Variants in EIF4G3 observed in about 807,000 individuals in gnomAD.
EIF4G3 encodes the protein eukaryotic translation initiation factor 4 gamma 3.
In EIF4G3, 34 loss-of-function variants were observed where a neutral mutation model predicts 186.4. That is an observed-to-expected ratio of 0.18 (90% CI 0.14 to 0.24). The LOEUF is 0.24. Among genes scored for constraint, EIF4G3 ranks in the 10% least tolerant of loss-of-function variants. The probability of loss-of-function intolerance (pLI) is 1.00; values close to 1 mark genes in which losing one functional copy is unlikely to be tolerated. For synonymous variants in EIF4G3, 673 were observed against 679.5 expected (o/e 0.99, Z 0.15); for missense variants, 1,536 against 1,948.5 (o/e 0.79, Z 3.99).
chr1:20,962,596 TACTGCCAGCATC>T (rs1395486598), intron 12 of EIF4G3, among the ~76,000 whole-genome samples: 3 of 152,246 alleles, frequency 2.0e-5, no homozygotes, highest in Admixed American at 1.3e-4. Context: ...CTCTTGGAAG[TACTGCCAGCATC>T]ACTGGTGGCA....
In EIF4G3 at chr1:21,048,454, CCCTGGTT is replaced by C. The variant is rs535129239; in HGVS notation, c.-67+2405_-67+2411del. ...ATATGTAGAAGGAAAGGGTTTTGCT[CCCTGGTT>C]CCTGGTTCCTGGTTCCTGGTTGCTC... On this transcript the variant is annotated intron_variant, in intron 4 of 36. Coordinates refer to ENST00000602326, the MANE Select transcript of EIF4G3 (RefSeq NM_001391906.1). Among the ~76,000 whole-genome samples, 1,325 of 152,146 alleles carry C rather than the reference CCCTGGTT, an allele frequency of 8.7e-3. 12 individuals carry two copies. The highest frequency in any genetic ancestry group is 0.024 in the Middle Eastern group (7 of 290).
chr1:20,892,989 C>A, intron 18 of EIF4G3: 1 of 388,216 alleles, frequency 2.6e-6, no homozygotes, highest in Non-Finnish European at 4.6e-6. Flanking sequence ...CTCACTGTAG[C>A]CTGGACCTCC....
chr1:21,020,673 G>A (rs1311013511), intron 4 of EIF4G3, among the ~76,000 whole-genome samples: 4 of 151,936 alleles, frequency 2.6e-5, no homozygotes, highest in Non-Finnish European at 4.4e-5. Context: ...TCCATTCTAG[G>A]TTAATACAGA....
At chr1:21,086,926 G>A (rs1344405272) in intron 3 of EIF4G3, among the ~76,000 whole-genome samples, 4 of 146,712 alleles carry the variant, frequency 2.7e-5, no homozygotes, top group Non-Finnish European at 6.0e-5. Flanking sequence ...GCAACAGAGT[G>A]AGATTCCTTC....
At chr1:21,138,097 C>T (rs1412778745) in intron 2 of EIF4G3, among the ~76,000 whole-genome samples, 2 of 152,050 alleles carry the variant, frequency 1.3e-5, no homozygotes, top group Admixed American at 6.6e-5. Context: ...CTAGAAATAG[C>T]CCAGGTAACA....
At chr1:21,175,906 A>G in intron 2 of EIF4G3, 1 of 184,500 alleles carries the variant, frequency 5.4e-6, no homozygotes, top group Non-Finnish European at 1.1e-5. Flanking sequence ...GGAGGGGAGA[A>G]GGGACCCCAA....
At position 21,111,053 on chromosome 1, in the gene EIF4G3, AT is replaced by A. The variant is rs774973730; in HGVS notation, c.-271-21841del. Among the ~76,000 whole-genome samples the A allele has an allele frequency of 7.6e-4, 116 of 152,228 alleles. 1 individual carries two copies. Among genetic ancestry groups the A allele is most frequent in the Middle Eastern group, 3.2e-3 (1 of 316 alleles). On this transcript the variant is annotated intron_variant, in intron 2 of 36. Coordinates refer to ENST00000602326, the MANE Select transcript of EIF4G3 (RefSeq NM_001391906.1). ...CTGTACTTTGAACTAATCTTAGATA[AT>A]TTATCTTTCAGGAAAATATGTACAG...
intron 28 of EIF4G3, 121 bp from the exon 29 acceptor site, chr1:20,849,651 G>C (rs2072600267): frequency 2.3e-6 from 1 of 440,220 alleles, no homozygotes; most frequent in African/African-American, 2.0e-5. Context: ...ACATTTAATA[G>C]ATAAAAACAG....
chr1:21,127,222 G>C (rs937762000), intron 2 of EIF4G3, among the ~76,000 whole-genome samples: 14 of 152,090 alleles, frequency 9.2e-5, no homozygotes, highest in African/African-American at 3.4e-4. Flanking sequence ...GCCATGGGCT[G>C]CACCAATCCT....
chr1:21,117,291 G>T (rs1295772152), intron 2 of EIF4G3, among the ~76,000 whole-genome samples: 1 of 151,926 alleles, frequency 6.6e-6, no homozygotes, highest in Non-Finnish European at 1.5e-5. Context: ...AAAGATTCTT[G>T]TATCTCATGA....
At position 21,010,657 on chromosome 1, in the gene EIF4G3, T is replaced by C. The variant is rs111782513; in HGVS notation, c.-66-7849A>G. On this transcript the variant is annotated intron_variant, in intron 4 of 36. Transcript: ENST00000602326. ...CTTAGAATGTAAATAGCCACATACATAGCCCATGGCTAACATACTGCACAA... is the reference window on the plus strand; with the variant it reads ...CTTAGAATGTAAATAGCCACATACACAGCCCATGGCTAACATACTGCACAA... 5.7e-3 allele frequency among the ~76,000 whole-genome samples: 873 copies of C among 152,330 alleles called. 12 individuals carry two copies. The highest frequency in any genetic ancestry group is 0.024 in the East Asian group (125 of 5,192).
intron 20 of EIF4G3, among the ~76,000 whole-genome samples, chr1:20,871,765 C>A (rs1301361534): frequency 6.6e-6 from 1 of 152,290 alleles, no homozygotes; most frequent in East Asian, 1.9e-4. Flanking sequence ...TTGGGCAACA[C>A]TGGCCCGTGG....
At chr1:21,090,037 T>A (rs2096131801) in intron 2 of EIF4G3, among the ~76,000 whole-genome samples, 1 of 152,208 alleles carries the variant, frequency 6.6e-6, no homozygotes. Flanking sequence ...AACATGCACA[T>A]ACAATAATCC....
rs577290987 is a variant in EIF4G3 at position 20,857,162 on chromosome 1, C to CAAAAAAAAA, written c.3339+232_3339+240dup. ...TGGGCGACAGAGTGAGACTCCATCT[C>CAAAAAAAAA]AAAAAAAAAAAAAAAAAGAAAATGT... On this transcript the variant is annotated intron_variant, in intron 25 of 36. Coordinates refer to ENST00000602326, the MANE Select transcript of EIF4G3 (RefSeq NM_001391906.1). Among the ~76,000 whole-genome samples the CAAAAAAAAA allele has an allele frequency of 5.9e-4, 28 of 47,346 alleles. 1 individual carries two copies. The highest frequency in any genetic ancestry group is 1.3e-3 in the South Asian group (1 of 800). The allele number at this position is 47,346 out of a possible 152,430, so 31.1% of individuals were successfully genotyped here. A position where few individuals can be genotyped will look rare whatever the true frequency, so the allele number is the denominator to read the frequency against.
chr1:21,144,694 T>C (rs942798701), intron 2 of EIF4G3, among the ~76,000 whole-genome samples: 1 of 152,138 alleles, frequency 6.6e-6, no homozygotes, highest in Non-Finnish European at 1.5e-5. Context: ...TCTCAGGTCA[T>C]AAAGTAAATT....
chr1:21,143,191 G>T (rs909869238), intron 2 of EIF4G3, among the ~76,000 whole-genome samples: 2 of 151,980 alleles, frequency 1.3e-5, no homozygotes, highest in African/African-American at 4.8e-5. Flanking sequence ...AGAGGTTGCA[G>T]TGAGCCGATA....
chr1:21,147,966 A>C (rs1049252543), intron 2 of EIF4G3, among the ~76,000 whole-genome samples: 1 of 152,136 alleles, frequency 6.6e-6, no homozygotes, highest in Non-Finnish European at 1.5e-5. Context: ...ATATACATCA[A>C]TTTTCCTAGT....
chr1:21,046,597 GACA>G (rs1281980503), intron 4 of EIF4G3, among the ~76,000 whole-genome samples: 1 of 152,134 alleles, frequency 6.6e-6, no homozygotes, highest in African/African-American at 2.4e-5. Flanking sequence ...AGTTACTTTG[GACA>G]AAAAGATTTA....
chr1:20,976,206 A>G (rs965391418), intron 10 of EIF4G3, among the ~76,000 whole-genome samples: 27 of 151,588 alleles, frequency 1.8e-4, no homozygotes, highest in Middle Eastern at 3.4e-3. Flanking sequence ...TTTAAGTTTT[A>G]GGGTACATGT....
Sources: allele counts gnomAD v4.1 joint callset (sites outside exome capture counted in the v4.1 genomes callset), GRCh38; gene constraint gnomAD v4.1.1; transcripts MANE v1.5; gene names NCBI Gene and HGNC (gene_info 2026-07-23, HGNC 2026-07-21).